Variants in LRMDA observed in about 807,000 individuals in gnomAD.
The protein encoded by LRMDA is leucine-rich melanocyte differentiation-associated protein.
LRMDA carries 18 observed loss-of-function variants against 29.8 expected under a neutral mutation model. The observed-to-expected ratio is 0.60, with a 90% CI of 0.42 to 0.90. The LOEUF is 0.90. Among genes scored for constraint, LRMDA ranks in the 40% least tolerant of loss-of-function variants. The pLI is 0.00. For missense variants in LRMDA, 273 were observed against 273.9 expected (o/e 1.00, Z 0.02); for synonymous variants, 125 against 109.4 (o/e 1.14, Z -0.89).
intron 2 of LRMDA, among the ~76,000 whole-genome samples, chr10:75,593,569 G>T (rs1840748898): frequency 1.3e-5 from 2 of 152,238 alleles, no homozygotes; most frequent in Admixed American, 1.3e-4. Flanking sequence ...TATACGAATG[G>T]ATAGTTTCAG....
chr10:76,398,820 T>A (rs1841817786), intron 6 of LRMDA, among the ~76,000 whole-genome samples: 1 of 152,228 alleles, frequency 6.6e-6, no homozygotes, highest in Admixed American at 6.5e-5. Flanking sequence ...TGGTTTCTCT[T>A]GGGAGGCCAG....
intron 5 of LRMDA, among the ~76,000 whole-genome samples, chr10:76,284,747 G>A (rs1392783671): frequency 6.6e-6 from 1 of 152,102 alleles, no homozygotes; most frequent in East Asian, 1.9e-4. Flanking sequence ...CCCAGCGGGA[G>A]GTAATTGAAT....
intron 5 of LRMDA, among the ~76,000 whole-genome samples, chr10:76,249,505 G>A (rs1188348527): frequency 6.6e-6 from 1 of 152,132 alleles, no homozygotes; most frequent in Non-Finnish European, 1.5e-5. Flanking sequence ...CCACTCTTAT[G>A]GTATCAGAGC....
At chr10:76,173,551 T>G (rs1850875933) in intron 5 of LRMDA, among the ~76,000 whole-genome samples, 1 of 152,206 alleles carries the variant, frequency 6.6e-6, no homozygotes, top group South Asian at 2.1e-4. Flanking sequence ...GGAAATATTA[T>G]GAACAACTTT....
chr10:76,120,276 C>T (rs1316348519), intron 5 of LRMDA, among the ~76,000 whole-genome samples: 2 of 151,430 alleles, frequency 1.3e-5, no homozygotes, highest in African/African-American at 2.4e-5. Context: ...GTAACCTCTG[C>T]CTCCCGGGTT....
intron 2 of LRMDA, among the ~76,000 whole-genome samples, chr10:75,593,544 T>C (rs1840748335): frequency 6.6e-6 from 1 of 150,834 alleles, no homozygotes; most frequent in Non-Finnish European, 1.5e-5. Flanking sequence ...GGTAATATTG[T>C]TGACTAAAGA....
chr10:75,544,107 G>A (rs151168794), intron 2 of LRMDA, among the ~76,000 whole-genome samples: 1 of 152,072 alleles, frequency 6.6e-6, no homozygotes, highest in African/African-American at 2.4e-5. Flanking sequence ...GTGCACATGC[G>A]TTTGTGTGTG....
At chr10:76,199,983 A>G (rs537825434) in intron 5 of LRMDA, among the ~76,000 whole-genome samples, 2 of 152,306 alleles carry the variant, frequency 1.3e-5, no homozygotes, top group African/African-American at 2.4e-5. Context: ...TTTTTTTGAG[A>G]CAGAGTGTCA....
At chr10:75,836,287 G>A (rs1844435268) in intron 2 of LRMDA, among the ~76,000 whole-genome samples, 1 of 152,190 alleles carries the variant, frequency 6.6e-6, no homozygotes, top group Non-Finnish European at 1.5e-5. Context: ...TAGAGCTCAA[G>A]AGAGTTGGAA....
chr10:76,059,622 G>A (rs755626123), intron 5 of LRMDA, among the ~76,000 whole-genome samples: 7 of 152,308 alleles, frequency 4.6e-5, no homozygotes, highest in Middle Eastern at 3.4e-3. Context: ...CAACTTGTGT[G>A]TTGAAAATGC....
intron 2 of LRMDA, among the ~76,000 whole-genome samples, chr10:75,606,772 T>C (rs1470191544): frequency 1.3e-5 from 2 of 152,242 alleles, no homozygotes; most frequent in Non-Finnish European, 2.9e-5. Flanking sequence ...AAAGCATGGA[T>C]ACAAACAGAT....
At chr10:76,367,107 T>C (rs1841399944) in intron 6 of LRMDA, among the ~76,000 whole-genome samples, 1 of 152,222 alleles carries the variant, frequency 6.6e-6, no homozygotes, top group African/African-American at 2.4e-5. Flanking sequence ...TGAAATCTAC[T>C]TGATCATAGT....
At chr10:75,708,046 A>G (rs1842390763) in intron 2 of LRMDA, among the ~76,000 whole-genome samples, 1 of 152,074 alleles carries the variant, frequency 6.6e-6, no homozygotes, top group South Asian at 2.1e-4. Flanking sequence ...CCCTAGTTCT[A>G]GTGTTTTCAC....
intron 6 of LRMDA, among the ~76,000 whole-genome samples, chr10:76,344,813 G>A (rs1841082205): frequency 6.6e-6 from 1 of 151,078 alleles, no homozygotes; most frequent in Non-Finnish European, 1.5e-5. Flanking sequence ...TAAGTTTGGG[G>A]GACATATAAT....
intron 6 of LRMDA, among the ~76,000 whole-genome samples, chr10:76,474,597 A>G (rs1842648660): frequency 6.6e-6 from 1 of 151,770 alleles, no homozygotes; most frequent in Non-Finnish European, 1.5e-5. Flanking sequence ...AAGAAGATAT[A>G]GAAATAGCCA....
chr10:75,491,402 C>T (rs1459633528), intron 2 of LRMDA, among the ~76,000 whole-genome samples: 6 of 152,158 alleles, frequency 3.9e-5, no homozygotes, highest in Admixed American at 6.5e-5. Context: ...TTCTGGCCTG[C>T]GGCACTGGCT....
At chr10:75,518,641 C>A (rs953920185) in intron 2 of LRMDA, among the ~76,000 whole-genome samples, 1 of 151,978 alleles carries the variant, frequency 6.6e-6, no homozygotes, top group African/African-American at 2.4e-5. Flanking sequence ...TTGATCTTTT[C>A]AAAAAACCAG....
intron 6 of LRMDA, among the ~76,000 whole-genome samples, chr10:76,458,511 T>A (rs895916022): frequency 6.6e-6 from 1 of 152,220 alleles, no homozygotes; most frequent in African/African-American, 2.4e-5. Context: ...AGAACCAATA[T>A]GACATTTTTA....
At position 76,165,778 on chromosome 10, in the gene LRMDA, G is replaced by A. The variant is rs189856740; in HGVS notation, c.516+106995G>A. Among the ~76,000 whole-genome samples the A allele has an allele frequency of 2.2e-4, 33 of 152,186 alleles. No homozygotes were observed. The East Asian group carries it at 4.3e-3, about 20-fold the overall frequency. On this transcript the variant is annotated intron_variant, in intron 5 of 6. Coordinates refer to ENST00000611255, the MANE Select transcript of LRMDA (RefSeq NM_001305581.2). ...TCATGAGAACAATATGAGGGTAGCC[G>A]CCCCCATTATTTAATTATCTCTTAC... is the stretch of plus-strand genomic sequence containing the variant.
Sources: allele counts gnomAD v4.1 joint callset (sites outside exome capture counted in the v4.1 genomes callset), GRCh38; gene constraint gnomAD v4.1.1; transcripts MANE v1.5; gene names NCBI Gene and HGNC (gene_info 2026-07-23, HGNC 2026-07-21).